The following MAD1L1 variants were observed in gnomAD, a reference collection of about 807,000 sequenced individuals.
The protein encoded by MAD1L1 is mitotic spindle assembly checkpoint protein MAD1.
In MAD1L1, 95 loss-of-function variants were observed where a neutral mutation model predicts 96.9. That is an observed-to-expected ratio of 0.98 (90% CI 0.83 to 1.16). MAD1L1 has a LOEUF of 1.16. MAD1L1 is among the 50% of genes most tolerant of loss of function. MAD1L1 has a pLI of 0.00. For synonymous variants in MAD1L1, 473 were observed against 396.6 expected (o/e 1.19, Z -2.29); for missense variants, 1,007 against 954.4 (o/e 1.06, Z -0.73).
intron 12 of MAD1L1, among the ~76,000 whole-genome samples, chr7:2,055,201 G>A (rs966286923): frequency 6.6e-6 from 1 of 152,160 alleles, no homozygotes; most frequent in African/African-American, 2.4e-5. Context: ...CAGAAAGCAG[G>A]GAGTGAATGA....
Position 2,179,507 on chromosome 7 carries a change from G to A in MAD1L1, c.987-30269C>T, listed in dbSNP as rs186007881. 1.5e-4 allele frequency among the ~76,000 whole-genome samples: 21 copies of A among 140,476 alleles called. No homozygotes were observed. The East Asian group carries it at 3.4e-3, about 23-fold the overall frequency. The allele number at this position is 140,476 out of a possible 152,430, so 92.2% of individuals were successfully genotyped here. On this transcript the variant is annotated intron_variant, in intron 10 of 18. Transcript: ENST00000265854. ...CGCGCCATTGCACTCCAGCCTGGGC[G>A]ACAACAGCGAGACTCTGTCTCAAAA...
At position 2,068,968 on chromosome 7, in the gene MAD1L1, G is replaced by A. The variant is rs538309549; in HGVS notation, c.1218+226C>T. On this transcript the variant is annotated intron_variant, in intron 12 of 18. Transcript: ENST00000265854. ...CAGGGGTGGACACTGAGATGCTGGA[G>A]GAACTGAAAAGGGTGGGGCACGCAG... 4.6e-5 allele frequency among the ~76,000 whole-genome samples: 7 copies of A among 152,274 alleles called. No homozygotes were observed. In the South Asian group the frequency reaches 1.5e-3, roughly 32 times the overall value.
chr7:2,213,435 C>T (rs1793090482), intron 9 of MAD1L1, among the ~76,000 whole-genome samples, 162 bp from the exon 10 acceptor site: 5 of 152,148 alleles, frequency 3.3e-5, no homozygotes, highest in Admixed American at 2.6e-4. Context: ...TGGAAGTGGC[C>T]GGGTTATTAT....
intron 17 of MAD1L1, among the ~76,000 whole-genome samples, chr7:1,918,088 C>T (rs376689453): frequency 2.0e-5 from 3 of 152,174 alleles, no homozygotes; most frequent in African/African-American, 7.2e-5. Flanking sequence ...GCCCAGTCCA[C>T]GGCCAGCGCC....
At chr7:1,885,692 C>T (rs1785970119) in intron 18 of MAD1L1, among the ~76,000 whole-genome samples, 1 of 152,224 alleles carries the variant, frequency 6.6e-6, no homozygotes, top group African/African-American at 2.4e-5. Context: ...GGTGCCCACT[C>T]ACCTGGCCCC....
At chr7:1,861,260 C>A (rs372671392) in intron 18 of MAD1L1, among the ~76,000 whole-genome samples, 1 of 152,126 alleles carries the variant, frequency 6.6e-6, no homozygotes, top group Non-Finnish European at 1.5e-5. Flanking sequence ...GGGCTGAGAC[C>A]GGGCTGGTCC....
At chr7:2,157,342 G>A (rs1789896919) in intron 10 of MAD1L1, among the ~76,000 whole-genome samples, 1 of 152,154 alleles carries the variant, frequency 6.6e-6, no homozygotes, top group African/African-American at 2.4e-5. Flanking sequence ...CACTCAGAGG[G>A]CTCCTCCCCT....
At chr7:2,162,704 C>T (rs1182334815) in intron 10 of MAD1L1, among the ~76,000 whole-genome samples, 1 of 136,012 alleles carries the variant, frequency 7.4e-6, no homozygotes, top group Non-Finnish European at 1.5e-5. Flanking sequence ...TAATCCACCA[C>T]TCACAAAAAA....
chr7:2,149,215 A>T lies in MAD1L1; in HGVS notation c.1010T>A (p.Phe337Tyr). The T allele has an allele frequency of 6.2e-7, 1 of 1,613,992 alleles. No homozygotes were observed. Among genetic ancestry groups the T allele is most frequent in the Non-Finnish European group, 8.5e-7 (1 of 1,180,000 alleles). The change falls in exon 11 of 19, where the codon TTC becomes TAC. Residue 337 changes from phenylalanine to tyrosine, a missense_variant. Physicochemically the swap from Phe to Tyr is conservative, Grantham distance 22. Coordinates refer to ENST00000265854, the MANE Select transcript of MAD1L1 (RefSeq NM_001013836.2). ...SIRTPEDLSR[F>Y]VVELQQRELA... is the part of the protein sequence containing the mutation. ...CTCCCTCTGCTGCAGCTCAACCACG[A>T]ATCTGGAAAGGTCTTCTGGAGTCCT... is the stretch of plus-strand genomic sequence containing the variant.
At chr7:1,966,191 C>T (rs1347398513) in intron 15 of MAD1L1, among the ~76,000 whole-genome samples, 2 of 152,272 alleles carry the variant, frequency 1.3e-5, no homozygotes, top group African/African-American at 4.8e-5. Context: ...CAGAAGGTCG[C>T]TGGGACCTGG....
rs370296811 is a variant in MAD1L1, at chr7:2,016,132, G to T, written c.1219-1490C>A. Among the ~76,000 whole-genome samples, 6 of 152,296 alleles carry T rather than the reference G, an allele frequency of 3.9e-5. No individual in the cohort carries two copies. In the East Asian group the frequency reaches 7.7e-4, roughly 20 times the overall value. ...TCAGGAATGAACTGTCCAGCCAGCT[G>T]CCCTGGAAACAACAGGTGCTCAAGA... On this transcript the variant is annotated intron_variant, in intron 12 of 18. Coordinates refer to ENST00000265854, the MANE Select transcript of MAD1L1 (RefSeq NM_001013836.2).
At chr7:2,150,641 T>C (rs1789527853) in intron 10 of MAD1L1, among the ~76,000 whole-genome samples, 1 of 152,188 alleles carries the variant, frequency 6.6e-6, no homozygotes, top group South Asian at 2.1e-4. Context: ...CCAGCATTAG[T>C]TTGGTGTTTC....
intron 18 of MAD1L1, among the ~76,000 whole-genome samples, chr7:1,869,331 C>T (rs73046369): frequency 0.031 from 4,683 of 152,166 alleles, 150 homozygotes; most frequent in Admixed American, 0.077. Context: ...GCATCTACCT[C>T]GGCGCAGGCT....
intron 3 of MAD1L1, among the ~76,000 whole-genome samples, chr7:2,228,828 A>C (rs1014596888): frequency 2.0e-5 from 3 of 149,614 alleles, no homozygotes; most frequent in Non-Finnish European, 4.5e-5. Context: ...GCAAGCTCTG[A>C]CTCCCGGGTT....
rs138508633 is a variant in MAD1L1 at position 1,959,856 on chromosome 7, A to T, written c.1506-2137T>A. Among the ~76,000 whole-genome samples the T allele has an allele frequency of 7.3e-4, 111 of 152,326 alleles. 1 individual carries two copies. The highest frequency in any genetic ancestry group is 2.5e-3 in the African/African-American group (105 of 41,566). ...GGCAAATACACCCAGATCTGCACGG[A>T]GAACCAGGAGGGCTGGAACAGCAGC... On this transcript the variant is annotated intron_variant, in intron 15 of 18. Transcript: ENST00000265854.
At chr7:1,854,364 C>T (rs538630293) in intron 18 of MAD1L1, 1 of 473,286 alleles carries the variant, frequency 2.1e-6, no homozygotes, top group Admixed American at 2.2e-5. Context: ...GGAACCTACC[C>T]TGTGGAAGCC....
chr7:1,859,226 G>T (rs751434267), intron 18 of MAD1L1, among the ~76,000 whole-genome samples: 1 of 152,222 alleles, frequency 6.6e-6, no homozygotes, highest in Non-Finnish European at 1.5e-5. Flanking sequence ...CCACTTCCCA[G>T]AACGCTCAGG....
chr7:2,144,888 C>T (rs1026928711), intron 11 of MAD1L1, among the ~76,000 whole-genome samples: 1 of 152,206 alleles, frequency 6.6e-6, no homozygotes, highest in Non-Finnish European at 1.5e-5. Flanking sequence ...GAAGCTCCTG[C>T]TCCAAGGTAA....
intron 17 of MAD1L1, among the ~76,000 whole-genome samples, chr7:1,907,059 C>T (rs1355712786): frequency 6.6e-6 from 1 of 151,166 alleles, no homozygotes; most frequent in Non-Finnish European, 1.5e-5. Context: ...CTGTGGCTAA[C>T]AGGGTCACTG....
Sources: gnomAD v4.1 joint callset for allele counts (sites outside exome capture counted in the v4.1 genomes callset) on GRCh38, gnomAD v4.1.1 for gene constraint, MANE v1.5 for transcripts, NCBI Gene and HGNC (gene_info 2026-07-23, HGNC 2026-07-21) for gene names.